Variants in ZBTB44 observed in about 807,000 individuals in gnomAD.
The protein encoded by ZBTB44 is zinc finger and BTB domain-containing protein 44.
Under a neutral mutation model 54.0 loss-of-function variants are expected in ZBTB44, and 15 were observed. The observed-to-expected ratio is 0.28, with a 90% CI of 0.19 to 0.43. The LOEUF (loss-of-function observed/expected upper bound fraction) is 0.43. Ranked by LOEUF, ZBTB44 falls within the 20% of genes least tolerant of loss-of-function variation. The pLI, the probability that ZBTB44 is intolerant of heterozygous loss-of-function variation, is 1.00. For synonymous variants in ZBTB44, 230 were observed against 250.1 expected, an observed-to-expected ratio of 0.92 and a Z score of 0.76; for missense variants, 487 against 707.1, an observed-to-expected ratio of 0.69 and a Z score of 3.53.
At chr11:130,308,347 T>C (rs79172842) in intron 1 of ZBTB44, among the ~76,000 whole-genome samples, 1,973 of 152,246 alleles carry the variant, frequency 0.013, 49 homozygotes, top group African/African-American at 0.045. Context: ...TGACTGAAAA[T>C]TTATTCAATT....
chr11:130,296,465 C>A, intron 1 of ZBTB44: 3 of 1,159,500 alleles, frequency 2.6e-6, no homozygotes, highest in Admixed American at 2.2e-5. Flanking sequence ...AGTTCTGCAA[C>A]ACAGATTTGG....
chr11:130,298,953 T>C (rs1941838110), intron 1 of ZBTB44, among the ~76,000 whole-genome samples: 1 of 152,022 alleles, frequency 6.6e-6, no homozygotes, highest in Admixed American at 6.6e-5. Context: ...CATAGTGGCA[T>C]GCACCTATAG....
chr11:130,255,912 A>C (rs1052715568), intron 2 of ZBTB44, among the ~76,000 whole-genome samples: 8 of 150,478 alleles, frequency 5.3e-5, no homozygotes, highest in East Asian at 3.9e-4. Flanking sequence ...AAAAAAAAAA[A>C]AAAAAAAAAC....
chr11:130,289,754 T>C (rs1941194984), intron 1 of ZBTB44, among the ~76,000 whole-genome samples: 3 of 152,174 alleles, frequency 2.0e-5, no homozygotes, highest in Admixed American at 2.0e-4. Flanking sequence ...TGTCACTGAA[T>C]TGCTAATTTA....
intron 1 of ZBTB44, chr11:130,310,470 C>T (rs945588454): frequency 4.7e-5 from 7 of 150,330 alleles, no homozygotes; most frequent in South Asian, 2.1e-4. Context: ...GTAAATCCCC[C>T]GTCTTTAAAA....
At chr11:130,251,839 A>C (rs1938031801) in intron 2 of ZBTB44, among the ~76,000 whole-genome samples, 1 of 152,196 alleles carries the variant, frequency 6.6e-6, no homozygotes, top group African/African-American at 2.4e-5. Flanking sequence ...AAGACCAATG[A>C]CATTATAAAG....
At chr11:130,284,038 AG>A (rs1401555602) in intron 1 of ZBTB44, among the ~76,000 whole-genome samples, 1 of 150,258 alleles carries the variant, frequency 6.7e-6, no homozygotes, top group Non-Finnish European at 1.5e-5. Flanking sequence ...CTGTAATCCA[AG>A]CACATATGGG....
intron 1 of ZBTB44, among the ~76,000 whole-genome samples, chr11:130,286,398 A>C (rs1592035941): frequency 6.6e-6 from 1 of 152,236 alleles, no homozygotes; most frequent in East Asian, 1.9e-4. Flanking sequence ...TAATTTGAAT[A>C]GTCTCTGAAA....
In ZBTB44 at chr11:130,239,831, G is replaced by C; in HGVS notation, c.1084C>G (p.Pro362Ala). 6.2e-7 allele frequency: 1 copy of C among 1,612,490 alleles called. No homozygotes were observed. The highest frequency in any genetic ancestry group is 8.5e-7 in the Non-Finnish European group (1 of 1,179,006). Residue 362 changes from proline (P) to alanine (A), a missense_variant, in exon 3 of 8, where the codon CCT (proline) becomes GCT (alanine). Physicochemically the swap from Pro to Ala is conservative, Grantham distance 27 (BLOSUM62 -1). This residue lies in a region of ZBTB44 where 277 missense variants were observed against 306.5 expected (regional missense o/e 0.90). Transcript: ENST00000357899. ...TLQSTSSTNAPPDDDDRLENV... is the reference protein window; with the variant it reads ...TLQSTSSTNAAPDDDDRLENV... ...ACTGACCGATCATCATCATCCGGAG[G>C]AGCATTAGTGCTAGACGTGCTTTGA...
At chr11:130,297,757 G>C (rs549652745) in intron 1 of ZBTB44, among the ~76,000 whole-genome samples, 2 of 152,214 alleles carry the variant, frequency 1.3e-5, no homozygotes, top group South Asian at 4.2e-4. Context: ...GAACTTCAAG[G>C]CTCCACAACT....
intron 1 of ZBTB44, among the ~76,000 whole-genome samples, chr11:130,289,836 T>C (rs1941199178): frequency 6.6e-6 from 1 of 152,208 alleles, no homozygotes; most frequent in Non-Finnish European, 1.5e-5. Context: ...CGAGGTTTTC[T>C]GATAACATAA....
intron 2 of ZBTB44, among the ~76,000 whole-genome samples, chr11:130,245,724 G>T (rs1954614012): frequency 7.0e-6 from 1 of 142,602 alleles, no homozygotes; most frequent in African/African-American, 2.9e-5. Context: ...CAGGTTGTGA[G>T]AAGGGTAGGC....
Position 130,261,060 on chromosome 11 carries a change from A to G in ZBTB44, c.814T>C (p.Cys272Arg). ...TGRRMADYVT[C>R]ESTKTTLPLG... Reference sequence around the variant, plus strand: ...GGCAAGGTAGTTTTTGTGCTCTCACAAGTCACATAATCAGCCATTCTTCTA... The same window carrying G: ...GGCAAGGTAGTTTTTGTGCTCTCACGAGTCACATAATCAGCCATTCTTCTA... Residue 272 changes from cysteine (C) to arginine (R), a missense_variant, in exon 2 of 8, where the codon TGT becomes CGT. Physicochemically the swap from Cys to Arg is radical, Grantham distance 180. Around this residue, in one of 3 missense-constraint regions of ZBTB44, gnomAD observed 277 missense variants for 306.5 expected, o/e 0.90. Transcript: ENST00000357899. The surrounding 1 kb of genome is among the most constrained non-coding windows in gnomAD (Gnocchi z 4.8). The G allele has an allele frequency of 6.2e-7, 1 of 1,613,976 alleles. No homozygotes were observed. Among genetic ancestry groups the G allele is most frequent in the Non-Finnish European group, 8.5e-7 (1 of 1,179,890 alleles).
At chr11:130,269,556 G>A (rs1161155335) in intron 1 of ZBTB44, among the ~76,000 whole-genome samples, 1 of 152,142 alleles carries the variant, frequency 6.6e-6, no homozygotes, top group East Asian at 1.9e-4. Flanking sequence ...ACACATTCTT[G>A]TGAAAGTGGT....
intron 1 of ZBTB44, chr11:130,296,260 A>G: frequency 6.9e-7 from 1 of 1,442,570 alleles, no homozygotes; most frequent in South Asian, 1.3e-5. Context: ...GAGCAGGGAT[A>G]TGTTGTTTGT....
intron 1 of ZBTB44, among the ~76,000 whole-genome samples, chr11:130,271,806 G>C (rs75502215): frequency 0.032 from 4,872 of 152,242 alleles, 208 homozygotes; most frequent in African/African-American, 0.099. Flanking sequence ...TTGTGTGGAT[G>C]TATGTTTTCA....
chr11:130,248,246 C>T (rs779599688), intron 2 of ZBTB44, among the ~76,000 whole-genome samples: 21 of 152,218 alleles, frequency 1.4e-4, no homozygotes, highest in Non-Finnish European at 1.6e-4. Flanking sequence ...CCTTCAATAC[C>T]GCAAGGAATT....
chr11:130,252,556 C>A (rs186506404), intron 2 of ZBTB44, among the ~76,000 whole-genome samples: 1 of 152,104 alleles, frequency 6.6e-6, no homozygotes, highest in African/African-American at 2.4e-5. Flanking sequence ...TGCAAAAGAA[C>A]GGAAATCGTA....
intron 1 of ZBTB44, among the ~76,000 whole-genome samples, chr11:130,288,518 A>T (rs1396176857): frequency 2.0e-5 from 3 of 152,212 alleles, no homozygotes; most frequent in Non-Finnish European, 4.4e-5. Flanking sequence ...GACTGTTTTA[A>T]TCTCACGTAC....
Sources: allele counts gnomAD v4.1 joint callset (sites outside exome capture counted in the v4.1 genomes callset), GRCh38; gene constraint gnomAD v4.1.1; regional missense constraint gnomAD v4.1.1; non-coding constraint Gnocchi (gnomAD v3.1); transcripts MANE v1.5; gene names NCBI Gene and HGNC (gene_info 2026-07-23, HGNC 2026-07-21).